The following GPA33 variants were observed in gnomAD, a reference collection of about 807,000 sequenced individuals.
GPA33 encodes glycoprotein A33.
In GPA33, 27 loss-of-function variants were observed where a neutral mutation model predicts 35.6. That is an observed-to-expected ratio of 0.76 (90% confidence interval 0.56 to 1.04). GPA33 has a LOEUF of 1.04. Ranked by LOEUF, GPA33 falls within the 50% of genes least tolerant of loss-of-function variation. The pLI is 0.00. For synonymous variants in GPA33, 176 were observed against 164.0 expected, an observed-to-expected ratio of 1.07 and a Z score of -0.56; for missense variants, 428 against 411.9, an observed-to-expected ratio of 1.04 and a Z score of -0.34.
At chr1:167,070,498 G>C (rs965498224) in intron 2 of GPA33, among the ~76,000 whole-genome samples, 1 of 152,196 alleles carries the variant, frequency 6.6e-6, no homozygotes, top group Admixed American at 6.5e-5. Context: ...TTAAGTAAAC[G>C]ACAGCGCTGA....
intron 6 of GPA33, 92 bp from the exon 7 acceptor site, chr1:167,054,558 C>T (rs1666191805): frequency 2.7e-6 from 4 of 1,481,526 alleles, no homozygotes; most frequent in Middle Eastern, 2.0e-4. Flanking sequence ...GAAGAGCAGC[C>T]TCCAGACCTC....
chr1:167,056,797 G>C (rs1666304309), intron 4 of GPA33, among the ~76,000 whole-genome samples: 8 of 1,730 alleles, frequency 4.6e-3, no homozygotes, highest in Admixed American at 0.012. Context: ...TGTGGTGCGT[G>C]TGGTGTGGTG....
chr1:167,068,922 C>T lies in GPA33; in HGVS notation c.415G>A (p.Val139Met), dbSNP rs150687485. ...TKSRVRLLVL[V>M]PPSKPECGIE... The stretch of plus-strand genomic sequence containing the variant: ...TCCTGAAAGACATGAAGACACTCAC[C>T]GAGGACCAACAGGCGGACACGTGAC... Residue 139 changes from valine to methionine, a missense_variant and splice_region_variant, in exon 3 of 7, where the codon GTG (valine) becomes ATG (methionine). By Grantham distance (21) the Val-to-Met change is conservative. Transcript: ENST00000367868. 9.5e-5 allele frequency: 153 copies of T among 1,610,854 alleles called. No homozygotes were observed. In the African/African-American group the frequency reaches 1.4e-3, roughly 14 times the overall value.
chr1:167,055,169 T>G, intron 5 of GPA33, 58 bp from the exon 6 acceptor site: 1 of 1,583,776 alleles, frequency 6.3e-7, no homozygotes, highest in South Asian at 1.1e-5. Flanking sequence ...CCGGGTCTCC[T>G]CCCAGCCAGG....
chr1:167,067,408 C>CT (rs1241686464), intron 3 of GPA33, among the ~76,000 whole-genome samples: 17 of 152,162 alleles, frequency 1.1e-4, no homozygotes, highest in Non-Finnish European at 2.1e-4. Context: ...GACCCTTCTT[C>CT]TTTTTTAAAA....
At chr1:167,077,757 A>C (rs1666853680) in intron 1 of GPA33, among the ~76,000 whole-genome samples, 1 of 152,246 alleles carries the variant, frequency 6.6e-6, no homozygotes, top group Non-Finnish European at 1.5e-5. Flanking sequence ...CTATTGAGTT[A>C]ATCATTCTCA....
chr1:167,066,445 T>A (rs1349251765), intron 3 of GPA33, among the ~76,000 whole-genome samples: 1 of 152,112 alleles, frequency 6.6e-6, no homozygotes, highest in Non-Finnish European at 1.5e-5. Context: ...CCCAAAGAGA[T>A]CAGCCTTAGG....
Position 167,063,597 on chromosome 1 carries a change from G to T in GPA33, c.556C>A (p.Pro186Thr), listed in dbSNP as rs758427123. 2 of 1,608,784 alleles carry T rather than the reference G, an allele frequency of 1.2e-6. No homozygotes were observed. Among genetic ancestry groups the T allele is most frequent in the Non-Finnish European group, 1.7e-6 (2 of 1,176,826 alleles). ...KRYNILNQEQ[P>T]LAQPASGQPV... ...GCCCCCTTACCTGGCTGGGCCAGGG[G>T]CTGCTCCTGATTCAGGATGTTGTAC... The change falls in exon 4 of 7, where the codon CCC becomes ACC. Residue 186 changes from proline to threonine, a missense_variant. Physicochemically the swap from Pro to Thr is conservative, Grantham distance 38. Transcript: ENST00000367868.
chr1:167,074,904 T>G (rs895090493), intron 1 of GPA33, among the ~76,000 whole-genome samples: 1 of 142,260 alleles, frequency 7.0e-6, no homozygotes, highest in African/African-American at 2.7e-5. Flanking sequence ...ATATTTGACT[T>G]ACTTTTTTTT....
intron 4 of GPA33, among the ~76,000 whole-genome samples, chr1:167,059,494 A>C (rs1375543482): frequency 6.6e-6 from 1 of 151,214 alleles, no homozygotes; most frequent in Non-Finnish European, 1.5e-5. Flanking sequence ...CCCCTACCCA[A>C]TCCTGTAGCT....
intron 1 of GPA33, chr1:167,082,265 G>T: frequency 2.2e-6 from 1 of 456,162 alleles, no homozygotes; most frequent in South Asian, 1.5e-5. Flanking sequence ...TGAGATCGTG[G>T]GGCAATCTGA....
chr1:167,082,537 G>A (rs918298442), intron 1 of GPA33, among the ~76,000 whole-genome samples: 4 of 152,258 alleles, frequency 2.6e-5, no homozygotes, highest in African/African-American at 9.6e-5. Context: ...GGTGCTGCCA[G>A]CAAGGAAGAG....
intron 4 of GPA33, among the ~76,000 whole-genome samples, chr1:167,060,141 T>G (rs1483950394): frequency 6.6e-6 from 1 of 152,222 alleles, no homozygotes; most frequent in African/African-American, 2.4e-5. Context: ...TGGCACCATC[T>G]TGGCTCACTG....
chr1:167,068,213 G>A (rs1666640604), intron 3 of GPA33, among the ~76,000 whole-genome samples: 1 of 152,148 alleles, frequency 6.6e-6, no homozygotes, highest in Non-Finnish European at 1.5e-5. Context: ...TCCCAGCAGT[G>A]GTGCCATTTC....
intron 1 of GPA33, among the ~76,000 whole-genome samples, chr1:167,088,029 A>T (rs946444480): frequency 6.6e-6 from 1 of 152,094 alleles, no homozygotes; most frequent in Non-Finnish European, 1.5e-5. Flanking sequence ...GAACCTTATG[A>T]ATAGCTTCTG....
intron 1 of GPA33, among the ~76,000 whole-genome samples, chr1:167,088,681 CT>C (rs1469120693): frequency 6.6e-6 from 1 of 152,206 alleles, no homozygotes; most frequent in East Asian, 1.9e-4. Context: ...TCCCTCCAAG[CT>C]GGGTGAGCAT....
intron 4 of GPA33, among the ~76,000 whole-genome samples, chr1:167,058,818 A>G (rs148131132): frequency 6.6e-6 from 1 of 152,346 alleles, no homozygotes; most frequent in East Asian, 1.9e-4. Context: ...CAGAGCTCCT[A>G]CAATGCTGTT....
intron 1 of GPA33, among the ~76,000 whole-genome samples, chr1:167,077,540 C>G (rs1231703551): frequency 1.3e-5 from 2 of 152,176 alleles, no homozygotes; most frequent in East Asian, 3.9e-4. Flanking sequence ...TAAGGGACTT[C>G]TGCCACTGGC....
chr1:167,086,280 G>A (rs957428728), intron 1 of GPA33, among the ~76,000 whole-genome samples: 1 of 152,248 alleles, frequency 6.6e-6, no homozygotes, highest in Non-Finnish European at 1.5e-5. Flanking sequence ...ATGGCAACAG[G>A]ACCCAGGGCC....
Sources: allele counts gnomAD v4.1 joint callset (sites outside exome capture counted in the v4.1 genomes callset), GRCh38; gene constraint gnomAD v4.1.1; transcripts MANE v1.5; gene names NCBI Gene and HGNC (gene_info 2026-07-23, HGNC 2026-07-21).